The following ZNF385B variants were observed in gnomAD, a reference collection of about 807,000 sequenced individuals.
ZNF385B encodes zinc finger protein 533.
In ZNF385B, 23 loss-of-function variants were observed where a neutral mutation model predicts 39.2. The ratio of observed to expected loss-of-function variants is 0.59; its 90% CI spans 0.42 to 0.83. ZNF385B has a LOEUF of 0.83. ZNF385B is among the 40% of genes least tolerant of loss of function. The pLI is 0.00. For missense variants in ZNF385B, 552 were observed against 598.9 expected, an observed-to-expected ratio of 0.92 and a Z score of 0.82; for synonymous variants, 205 against 222.6, an observed-to-expected ratio of 0.92 and a Z score of 0.70.
At chr2:179,701,136 G>A (rs554894467) in intron 3 of ZNF385B, among the ~76,000 whole-genome samples, 1 of 152,242 alleles carries the variant, frequency 6.6e-6, no homozygotes, top group African/African-American at 2.4e-5. Context: ...CTAATATTTT[G>A]TTAACATTGA....
At position 179,861,567 on chromosome 2, in the gene ZNF385B, C is replaced by G. The variant is rs1176105557; in HGVS notation, c.-621G>C. 1 of 152,214 alleles carries G rather than the reference C, an allele frequency of 6.6e-6. No homozygotes were observed. Among genetic ancestry groups the G allele is most frequent in the Admixed American group, 6.5e-5 (1 of 15,290 alleles). 9.4% of individuals were successfully genotyped at this position (152,214 alleles called of 1,614,324 possible). On this transcript the variant is annotated 5_prime_UTR_variant, in exon 1 of 10. Coordinates refer to ENST00000410066, the MANE Select transcript of ZNF385B (RefSeq NM_152520.6). ...ACTAAGCAGAGACTTGCGAGGCACA[C>G]AGAGAGGGAATGAGGCGGAACCGTT...
rs1703899944 is a variant in ZNF385B, at chr2:179,769,651, G to A, written c.150C>T (p.Phe50=). Reference sequence around the variant, plus strand: ...TCAGCTGGATGTTGCACACCTCACAGAAGGAGAAAAGAATTTTCTTTTTCT... The same window carrying A: ...TCAGCTGGATGTTGCACACCTCACAAAAGGAGAAAAGAATTTTCTTTTTCT... ...SKEKKKILFS[F]CEVCNIQLNS... Residue 50 remains phenylalanine (F), a synonymous_variant, in exon 3 of 10, where the codon TTC becomes TTT. Transcript: ENST00000410066. 1 of 1,614,068 alleles carries A rather than the reference G, an allele frequency of 6.2e-7. No individual in the cohort carries two copies. Among genetic ancestry groups the A allele is most frequent in the Admixed American group, 1.7e-5 (1 of 59,998 alleles).
At chr2:179,443,536 T>G in intron 9 of ZNF385B, 68 bp from the exon 10 acceptor site, 3 of 1,204,806 alleles carry the variant, frequency 2.5e-6, no homozygotes, top group Non-Finnish European at 3.6e-6. Context: ...CACAGGCATC[T>G]TTTCATAAGT....
chr2:179,660,753 T>A (rs1295516002), intron 3 of ZNF385B, among the ~76,000 whole-genome samples: 1 of 152,160 alleles, frequency 6.6e-6, no homozygotes, highest in African/African-American at 2.4e-5. Flanking sequence ...GTTACAGGCA[T>A]GTGTATTAAC....
At chr2:179,623,034 T>C (rs1273843362) in intron 3 of ZNF385B, among the ~76,000 whole-genome samples, 1 of 152,208 alleles carries the variant, frequency 6.6e-6, no homozygotes, top group East Asian at 1.9e-4. Context: ...ATAAATTTAA[T>C]GTCAAAACTG....
chr2:179,450,562 A>G (rs1299438966), intron 6 of ZNF385B, among the ~76,000 whole-genome samples: 1 of 152,158 alleles, frequency 6.6e-6, no homozygotes, highest in African/African-American at 2.4e-5. Flanking sequence ...ACCATCTCAC[A>G]CCAGTTAGAA....
chr2:179,820,058 T>A (rs1707312495), intron 1 of ZNF385B, among the ~76,000 whole-genome samples: 1 of 152,154 alleles, frequency 6.6e-6, no homozygotes, highest in African/African-American at 2.4e-5. Context: ...TACATGAGAA[T>A]ATGTGTGTGT....
At chr2:179,586,796 T>C (rs923968717) in intron 3 of ZNF385B, among the ~76,000 whole-genome samples, 5 of 152,270 alleles carry the variant, frequency 3.3e-5, no homozygotes, top group Admixed American at 2.6e-4. Context: ...CCCAGCACTC[T>C]GGGAGGCCGA....
rs536490192 is a variant in ZNF385B, at chr2:179,701,170, C to G, written c.298+68333G>C. 4.1e-4 allele frequency among the ~76,000 whole-genome samples: 63 copies of G among 152,272 alleles called. 1 individual carries two copies. The highest frequency in any genetic ancestry group is 1.5e-3 in the African/African-American group (62 of 41,550). The stretch of plus-strand genomic sequence containing the variant: ...GATAGAAACTTTTATAAGTCATACA[C>G]TTTGAAAGTCTCATATGAAGGTTAG... On this transcript the variant is annotated intron_variant, in intron 3 of 9. Transcript: ENST00000410066.
intron 1 of ZNF385B, among the ~76,000 whole-genome samples, chr2:179,859,213 G>A (rs1200295447): frequency 6.6e-6 from 1 of 152,156 alleles, no homozygotes; most frequent in Non-Finnish European, 1.5e-5. Flanking sequence ...AGGTACTAAT[G>A]ACAATTCCCT....
chr2:179,446,295 A>G (rs2049465419), intron 7 of ZNF385B, among the ~76,000 whole-genome samples: 1 of 152,172 alleles, frequency 6.6e-6, no homozygotes, highest in African/African-American at 2.4e-5. Flanking sequence ...GGACAGTATT[A>G]GATGTTTTTA....
chr2:179,683,153 C>A (rs755962878), intron 3 of ZNF385B, among the ~76,000 whole-genome samples: 1 of 151,988 alleles, frequency 6.6e-6, no homozygotes, highest in South Asian at 2.1e-4. Flanking sequence ...TTTGGGAGGC[C>A]GAGGCGGGCG....
chr2:179,470,528 T>C (rs2052635847), intron 6 of ZNF385B, among the ~76,000 whole-genome samples: 1 of 152,120 alleles, frequency 6.6e-6, no homozygotes, highest in African/African-American at 2.4e-5. Flanking sequence ...CTAGGGCCAC[T>C]CAGGGAGAAG....
intron 3 of ZNF385B, among the ~76,000 whole-genome samples, chr2:179,635,666 C>T (rs567976375): frequency 6.6e-6 from 1 of 152,140 alleles, no homozygotes; most frequent in Non-Finnish European, 1.5e-5. Context: ...ATAGAAATCA[C>T]AAAATATGAA....
At chr2:179,853,705 G>A (rs2105446923) in intron 1 of ZNF385B, among the ~76,000 whole-genome samples, 1 of 152,286 alleles carries the variant, frequency 6.6e-6, no homozygotes, top group East Asian at 1.9e-4. Context: ...ATGGCTACCT[G>A]TATGAGTATG....
chr2:179,612,117 C>A lies in ZNF385B; in HGVS notation c.299-67148G>T, dbSNP rs182430760. Reference sequence around the variant, plus strand: ...AATTTACCTCCTAGGATTCTGAATTCCTTTTCAGTGTTATCTTAAATTTCA... The same window carrying A: ...AATTTACCTCCTAGGATTCTGAATTACTTTTCAGTGTTATCTTAAATTTCA... On this transcript the variant is annotated intron_variant, in intron 3 of 9. Transcript: ENST00000410066. 1.4e-3 allele frequency among the ~76,000 whole-genome samples: 219 copies of A among 152,124 alleles called. 2 individuals are homozygous for A. The highest frequency in any genetic ancestry group is 0.014 in the Admixed American group (215 of 15,284).
At chr2:179,594,271 T>A (rs542629024) in intron 3 of ZNF385B, among the ~76,000 whole-genome samples, 1 of 152,190 alleles carries the variant, frequency 6.6e-6, no homozygotes, top group Non-Finnish European at 1.5e-5. Flanking sequence ...CACAAATACA[T>A]CTAAATAAAC....
intron 1 of ZNF385B, among the ~76,000 whole-genome samples, chr2:179,839,310 G>A (rs1708425267): frequency 2.0e-5 from 3 of 152,170 alleles, no homozygotes; most frequent in Non-Finnish European, 4.4e-5. Context: ...ACTGTGAGCA[G>A]TTGGAGTCTT....
intron 1 of ZNF385B, among the ~76,000 whole-genome samples, chr2:179,806,179 G>A (rs759210873): frequency 4.6e-5 from 7 of 152,068 alleles, no homozygotes; most frequent in Non-Finnish European, 1.0e-4. Context: ...CCAGATTAAT[G>A]TCCAAAATAT....
Sources: gnomAD v4.1 joint callset for allele counts (sites outside exome capture counted in the v4.1 genomes callset) on GRCh38, gnomAD v4.1.1 for gene constraint, MANE v1.5 for transcripts, NCBI Gene and HGNC (gene_info 2026-07-23, HGNC 2026-07-21) for gene names.